Variants in PDE7A observed in about 807,000 individuals in gnomAD.
The protein encoded by PDE7A is phosphodiesterase 7A.
A neutral mutation model predicts 64.3 loss-of-function variants in PDE7A; 39 were observed. The ratio of observed to expected loss-of-function variants is 0.61; its 90% CI spans 0.47 to 0.79. The LOEUF (loss-of-function observed/expected upper bound fraction) is 0.79, where lower values mean the gene tolerates loss of function less well. Ranked by LOEUF, PDE7A falls within the 30% of genes least tolerant of loss-of-function variation. PDE7A has a pLI of 0.00. For missense variants in PDE7A, 470 were observed against 582.8 expected (o/e 0.81, Z 1.99); for synonymous variants, 203 against 206.8 (o/e 0.98, Z 0.16).
intron 1 of PDE7A, among the ~76,000 whole-genome samples, chr8:65,823,625 T>C (rs994908863): frequency 6.6e-6 from 1 of 152,118 alleles, no homozygotes; most frequent in Non-Finnish European, 1.5e-5. Context: ...CATTCCACAT[T>C]CTCAGGTCTA....
chr8:65,832,954 C>T (rs1242261814), intron 1 of PDE7A, among the ~76,000 whole-genome samples: 1 of 152,176 alleles, frequency 6.6e-6, no homozygotes, highest in Non-Finnish European at 1.5e-5. Context: ...GCTTTAGAGT[C>T]AGCATGACCT....
chr8:65,727,308 T>TAACA lies in PDE7A; in HGVS notation c.697-8_697-7insTGTT. The TAACA allele has an allele frequency of 6.2e-7, 1 of 1,612,328 alleles. No individual in the cohort carries two copies. The highest frequency in any genetic ancestry group is 8.5e-7 in the Non-Finnish European group (1 of 1,178,748). ...GAGTTACAGAATTGGCAAGCTGAAG[T>TAACA]GTGACAAAAGAATAATGAATCACAG... On this transcript the variant is annotated splice_region_variant and splice_polypyrimidine_tract_variant and intron_variant, in intron 7 of 12. Transcript: ENST00000401827.
At chr8:65,798,200 A>T (rs1340422253) in intron 1 of PDE7A, among the ~76,000 whole-genome samples, 27 of 21,406 alleles carry the variant, frequency 1.3e-3, no homozygotes, top group African/African-American at 5.0e-3. Context: ...ATATATATAT[A>T]TATATATTTT....
chr8:65,833,792 C>T (rs1810887427), intron 1 of PDE7A, among the ~76,000 whole-genome samples: 1 of 152,010 alleles, frequency 6.6e-6, no homozygotes, highest in African/African-American at 2.4e-5. Context: ...GGCAAAACCC[C>T]ATCTCTACAA....
chr8:65,787,043 G>A lies in PDE7A; in HGVS notation c.139-4200C>T, dbSNP rs142784107. 5.3e-5 allele frequency among the ~76,000 whole-genome samples: 8 copies of A among 152,274 alleles called. No individual in the cohort carries two copies. In the East Asian group the frequency reaches 1.5e-3, roughly 29 times the overall value. On this transcript the variant is annotated intron_variant, in intron 1 of 12. Coordinates refer to ENST00000401827, the MANE Select transcript of PDE7A (RefSeq NM_001242318.3). ...GGTGTAAAAGTTGTTCCCAATATTA[G>A]TTAATACATAACTTTTAAAGACAGA... is the stretch of plus-strand genomic sequence containing the variant.
At position 65,715,740 on chromosome 8, in the gene PDE7A, C is replaced by G. The variant is rs1806107240; in HGVS notation, c.*3550G>C. 6.8e-6 allele frequency among the ~76,000 whole-genome samples: 1 copy of G among 147,660 alleles called. No individual in the cohort carries two copies. Among genetic ancestry groups the G allele is most frequent in the African/African-American group, 2.5e-5 (1 of 40,478 alleles). On this transcript the variant is annotated 3_prime_UTR_variant, in exon 13 of 13. Coordinates refer to ENST00000401827, the MANE Select transcript of PDE7A (RefSeq NM_001242318.3). ...GTGGCTCACGCCTGTAATCCCAGCA[C>G]TATGGGAGGCCGAGGCGGGCGGATC...
In PDE7A at chr8:65,789,121, C is replaced by A. The variant is rs1809635167; in HGVS notation, c.139-6278G>T. 4 of 1,266,560 alleles carry A rather than the reference C, an allele frequency of 3.2e-6. No individual in the cohort carries two copies. In the East Asian group the frequency reaches 1.1e-4, roughly 34 times the overall value. The allele number at this position is 1,266,560 out of a possible 1,614,324, so 78.5% of individuals were successfully genotyped here. On this transcript the variant is annotated intron_variant, in intron 1 of 12. Transcript: ENST00000401827. ...CCTGACTCCTCTGGGAATGCACTACCCAGCCAGCCTTCTTACCCAGCGCAT... is the reference window on the plus strand; with the variant it reads ...CCTGACTCCTCTGGGAATGCACTACACAGCCAGCCTTCTTACCCAGCGCAT...
At chr8:65,733,790 TTAAA>T (rs1807004518) in intron 7 of PDE7A, among the ~76,000 whole-genome samples, 1 of 152,206 alleles carries the variant, frequency 6.6e-6, no homozygotes, top group Non-Finnish European at 1.5e-5. Context: ...CTATGATCTC[TTAAA>T]TAATCAGAAG....
At chr8:65,741,847 T>C (rs1283943971) in intron 5 of PDE7A, among the ~76,000 whole-genome samples, 2 of 152,242 alleles carry the variant, frequency 1.3e-5, no homozygotes, top group Non-Finnish European at 2.9e-5. Context: ...TTCTAGGATG[T>C]AGAATAAGTT....
rs1039517881 is a variant in PDE7A at position 65,779,766 on chromosome 8, T to C, written c.237A>G (p.Ser79=). Residue 79 remains serine, a synonymous_variant, in exon 3 of 13, where the codon TCA becomes TCG. Coordinates refer to ENST00000401827, the MANE Select transcript of PDE7A (RefSeq NM_001242318.3). ...TATATGGGTGAGAACCTCTTCTTTC[T>C]GATTCAAATCCTGCTCGGCTCCTTA... ...VRVRSRAGFE[S]ERRGSHPYID... The C allele has an allele frequency of 6.2e-7, 1 of 1,601,110 alleles. No individual in the cohort carries two copies. The highest frequency in any genetic ancestry group is 8.5e-7 in the Non-Finnish European group (1 of 1,171,764).
intron 1 of PDE7A, chr8:65,838,636 C>A (rs894477724): frequency 2.6e-5 from 4 of 152,160 alleles, no homozygotes; most frequent in African/African-American, 9.7e-5. Context: ...TAAAAACAGG[C>A]TCTATTAACA....
chr8:65,812,829 A>C (rs1810288077), intron 1 of PDE7A, among the ~76,000 whole-genome samples: 1 of 152,224 alleles, frequency 6.6e-6, no homozygotes. Flanking sequence ...AACCTATCAC[A>C]CTGGCAAGGA....
intron 1 of PDE7A, among the ~76,000 whole-genome samples, chr8:65,828,397 C>T (rs776144690): frequency 6.6e-6 from 1 of 152,006 alleles, no homozygotes; most frequent in Non-Finnish European, 1.5e-5. Flanking sequence ...TTATGTGTAT[C>T]TTTCTATGAC....
rs1242861582 is a variant in PDE7A, at chr8:65,814,703, T to C, written c.138+26668A>G. ...TTACCTTTAAGTGTATTTTATATCC[T>C]TCTAAATTATTTAATTTTGGCCAGG... On this transcript the variant is annotated intron_variant, in intron 1 of 12. Coordinates refer to ENST00000401827, the MANE Select transcript of PDE7A (RefSeq NM_001242318.3). Among the ~76,000 whole-genome samples, 4 of 152,120 alleles carry C rather than the reference T, an allele frequency of 2.6e-5. No individual in the cohort carries two copies. In the East Asian group the frequency reaches 7.7e-4, roughly 29 times the overall value.
At chr8:65,777,991 T>C (rs1052645066) in intron 3 of PDE7A, among the ~76,000 whole-genome samples, 31 of 152,352 alleles carry the variant, frequency 2.0e-4, no homozygotes, top group African/African-American at 7.2e-4. Flanking sequence ...AGACTGCTCC[T>C]GCTACATTTT....
At chr8:65,753,593 G>A (rs986009780) in intron 3 of PDE7A, among the ~76,000 whole-genome samples, 1 of 151,436 alleles carries the variant, frequency 6.6e-6, no homozygotes, top group Non-Finnish European at 1.5e-5. Context: ...ATGTGCACTC[G>A]AGAAGAATTT....
intron 1 of PDE7A, among the ~76,000 whole-genome samples, chr8:65,821,182 A>C (rs1427003460): frequency 6.6e-6 from 1 of 151,104 alleles, no homozygotes; most frequent in Non-Finnish European, 1.5e-5. Flanking sequence ...AAAACAAAAC[A>C]AAAAAAAACC....
chr8:65,758,935 C>T (rs894426743), intron 3 of PDE7A, among the ~76,000 whole-genome samples: 2 of 152,266 alleles, frequency 1.3e-5, no homozygotes, highest in African/African-American at 2.4e-5. Context: ...TGTCCCATAA[C>T]CATAGGCAGC....
At chr8:65,731,986 A>ATTGTTG (rs59755336) in intron 7 of PDE7A, among the ~76,000 whole-genome samples, 2 of 138,764 alleles carry the variant, frequency 1.4e-5, no homozygotes, top group Non-Finnish European at 3.2e-5. Context: ...TATTATTATT[A>ATTGTTG]TTGTTGTTGT....
Sources: gnomAD v4.1 joint callset for allele counts (sites outside exome capture counted in the v4.1 genomes callset) on GRCh38, gnomAD v4.1.1 for gene constraint, MANE v1.5 for transcripts, NCBI Gene and HGNC (gene_info 2026-07-23, HGNC 2026-07-21) for gene names.